Variants in HCN2 observed in about 807,000 individuals in gnomAD.
The protein encoded by HCN2 is hyperpolarization activated cyclic nucleotide gated potassium and sodium channel 2.
In HCN2, 20 loss-of-function variants were observed where a neutral mutation model predicts 52.3. The ratio of observed to expected loss-of-function variants is 0.38; its 90% CI spans 0.27 to 0.56. The LOEUF is 0.56. HCN2 is among the 20% of genes least tolerant of loss of function. The pLI is 0.71. For synonymous variants in HCN2, 694 were observed against 537.0 expected (o/e 1.29, Z -4.04); for missense variants, 981 against 1,207.7 (o/e 0.81, Z 2.78).
chr19:599,422 C>T (rs766794029), intron 1 of HCN2, among the ~76,000 whole-genome samples: 5 of 152,166 alleles, frequency 3.3e-5, no homozygotes, highest in Non-Finnish European at 7.4e-5. Flanking sequence ...CTCAGCATCT[C>T]CTCCGAAAGG....
chr19:595,327 G>A (rs1453834367), intron 1 of HCN2, among the ~76,000 whole-genome samples: 3 of 129,896 alleles, frequency 2.3e-5, no homozygotes, highest in Non-Finnish European at 3.1e-5. Flanking sequence ...TGCGCTGGCC[G>A]CCTCTCTCCT....
At position 617,127 on chromosome 19, in the gene HCN2, A is replaced by G; in HGVS notation, c.*653A>G. On this transcript the variant is annotated 3_prime_UTR_variant, in exon 8 of 8. Coordinates refer to ENST00000251287, the MANE Select transcript of HCN2 (RefSeq NM_001194.4). ...ACGCCCCATTAACCCCCACACCCCC[A>G]TTCCGCGCAATAAACGACAGCATTG... 3.4e-5 allele frequency: 9 copies of G among 261,636 alleles called. No homozygotes were observed. Among genetic ancestry groups the G allele is most frequent in the Non-Finnish European group, 7.0e-6 (1 of 142,518 alleles). 16.2% of individuals were successfully genotyped at this position (261,636 alleles called of 1,614,324 possible).
At chr19:606,644 G>A (rs947915893) in intron 3 of HCN2, among the ~76,000 whole-genome samples, 2 of 151,698 alleles carry the variant, frequency 1.3e-5, no homozygotes, top group Non-Finnish European at 2.9e-5. Flanking sequence ...CCTGAGGTCA[G>A]GAGTTTGAGA....
chr19:606,392 C>T (rs943818012), intron 3 of HCN2, among the ~76,000 whole-genome samples: 11 of 151,648 alleles, frequency 7.3e-5, no homozygotes, highest in African/African-American at 7.3e-5. Context: ...TGAGCCACCG[C>T]GCCCGGCCTG....
intron 1 of HCN2, among the ~76,000 whole-genome samples, chr19:601,544 C>T (rs960503866): frequency 1.5e-4 from 23 of 151,982 alleles, no homozygotes; most frequent in South Asian, 2.1e-4. Context: ...CGTCCGCAGT[C>T]GAGCTGGTGT....
In HCN2 at chr19:610,413, G is replaced by A. The variant is rs754811331; in HGVS notation, c.1584+8G>A. 62 of 1,611,134 alleles carry A rather than the reference G, an allele frequency of 3.8e-5. No individual in the cohort carries two copies. The highest frequency in any genetic ancestry group is 1.8e-4 in the East Asian group (8 of 44,858). ...AACGGGCCCCTGCGGGAGGTGAGGC[G>A]GGCGCCGGGCGGGCGGGAGGCAGCC... On this transcript the variant is annotated splice_region_variant and intron_variant, in intron 5 of 7. Transcript: ENST00000251287.
At chr19:596,477 G>A (rs572069856) in intron 1 of HCN2, among the ~76,000 whole-genome samples, 169 of 152,356 alleles carry the variant, frequency 1.1e-3, no homozygotes, top group Non-Finnish European at 1.8e-3. Flanking sequence ...CCCTGCCTGC[G>A]AGGGCCAAGC....
Position 616,864 on chromosome 19 carries a change from A to C in HCN2, c.*390A>C. On this transcript the variant is annotated 3_prime_UTR_variant, in exon 8 of 8. Coordinates refer to ENST00000251287, the MANE Select transcript of HCN2 (RefSeq NM_001194.4). ...CCCGTCCGAGGAGGATCGTTTTCTAAGTGCAATACTTGGCCCGCCGGCTTC... is the reference window on the plus strand; with the variant it reads ...CCCGTCCGAGGAGGATCGTTTTCTACGTGCAATACTTGGCCCGCCGGCTTC... 1 of 198,032 alleles carries C rather than the reference A, an allele frequency of 5.0e-6. No individual in the cohort carries two copies. Among genetic ancestry groups the C allele is most frequent in the Non-Finnish European group, 1.0e-5 (1 of 98,512 alleles). 12.3% of individuals were successfully genotyped at this position (198,032 alleles called of 1,614,324 possible).
intron 4 of HCN2, among the ~76,000 whole-genome samples, 185 bp from the exon 5 acceptor site, chr19:610,074 G>A (rs562988843): frequency 1.3e-5 from 2 of 152,136 alleles, no homozygotes; most frequent in South Asian, 4.2e-4. Context: ...ACAAGCAGGT[G>A]TGAAGGCCTA....
rs1325148340 is a variant in HCN2 at position 615,947 on chromosome 19, C to T, written c.2143C>T (p.Pro715Ser). Residue 715 changes from proline to serine, a missense_variant, in exon 8 of 8, where the codon CCG becomes TCG. Transcript: ENST00000251287. The part of the protein sequence containing the change: ...AELGQRVGLF[P>S]PPPPPPQVTS... ...GCTGGGTCAGCGCGTGGGCCTCTTCCCGCCGCCGCCGCCGCCGCCGCAGGT... is the reference window on the plus strand; with the variant it reads ...GCTGGGTCAGCGCGTGGGCCTCTTCTCGCCGCCGCCGCCGCCGCCGCAGGT... 3 of 1,492,590 alleles carry T rather than the reference C, an allele frequency of 2.0e-6. No individual in the cohort carries two copies. Among genetic ancestry groups the T allele is most frequent in the African/African-American group, 1.4e-5 (1 of 71,196 alleles). The allele number at this position is 1,492,590 out of a possible 1,614,324, so 92.5% of individuals were successfully genotyped here.
intron 1 of HCN2, among the ~76,000 whole-genome samples, chr19:596,622 C>A (rs1453415878): frequency 6.6e-6 from 1 of 152,170 alleles, no homozygotes; most frequent in African/African-American, 2.4e-5. Flanking sequence ...CTGAGGGGGG[C>A]CTGTCCCTGC....
intron 1 of HCN2, among the ~76,000 whole-genome samples, chr19:601,808 C>G (rs1181787886): frequency 6.6e-6 from 1 of 150,568 alleles, no homozygotes; most frequent in African/African-American, 2.4e-5. Context: ...ACGCGGCACT[C>G]CCAGCACCGT....
At chr19:603,085 C>T (rs1399280485) in intron 1 of HCN2, among the ~76,000 whole-genome samples, 14 of 151,182 alleles carry the variant, frequency 9.3e-5, no homozygotes, top group African/African-American at 1.5e-4. Context: ...GAGGAATGCC[C>T]GGGGCTGGTC....
intron 1 of HCN2, among the ~76,000 whole-genome samples, chr19:593,095 C>G (rs573422982): frequency 6.6e-6 from 1 of 152,374 alleles, no homozygotes; most frequent in East Asian, 1.9e-4. Context: ...CTGTGCCCCC[C>G]AGGCACGCCC....
At chr19:612,433 A>T (rs1337004219) in intron 5 of HCN2, among the ~76,000 whole-genome samples, 23 of 71,672 alleles carry the variant, frequency 3.2e-4, no homozygotes, top group African/African-American at 8.0e-4. Flanking sequence ...TGTGTGAGAG[A>T]GAGATGGAGT....
At chr19:611,883 C>CG (rs1478269113) in intron 5 of HCN2, among the ~76,000 whole-genome samples, 1 of 152,192 alleles carries the variant, frequency 6.6e-6, no homozygotes, top group East Asian at 1.9e-4. Context: ...TGGTGGCTCA[C>CG]GCCTGTAATC....
At chr19:612,120 G>A (rs1486900715) in intron 5 of HCN2, among the ~76,000 whole-genome samples, 4 of 151,914 alleles carry the variant, frequency 2.6e-5, no homozygotes, top group Non-Finnish European at 4.4e-5. Context: ...ACTCCAGCCT[G>A]GACAACAGAG....
At chr19:610,213 G>A (rs375386932) in intron 4 of HCN2, 46 bp from the exon 5 acceptor site, 9 of 1,571,008 alleles carry the variant, frequency 5.7e-6, no homozygotes, top group Non-Finnish European at 7.8e-6. Flanking sequence ...TGTGCCCGCT[G>A]CAGGCCGGGG....
intron 5 of HCN2, 129 bp downstream of exon 5, chr19:610,534 A>G: frequency 1.3e-6 from 1 of 754,848 alleles, no homozygotes; most frequent in South Asian, 1.7e-5. Flanking sequence ...CTCGAGCTAG[A>G]CCTGCGTACA....
Sources: allele counts gnomAD v4.1 joint callset (sites outside exome capture counted in the v4.1 genomes callset), GRCh38; gene constraint gnomAD v4.1.1; transcripts MANE v1.5; gene names NCBI Gene and HGNC (gene_info 2026-07-23, HGNC 2026-07-21).